HDGFL2: variants seen among roughly 807,000 people sequenced by gnomAD.
The protein encoded by HDGFL2 is hepatoma-derived growth factor-related protein 2.
In HDGFL2, 36 loss-of-function variants were observed where a neutral mutation model predicts 77.1. That is an observed-to-expected ratio of 0.47 (90% CI 0.36 to 0.62). HDGFL2 has a LOEUF of 0.62. Ranked by LOEUF, HDGFL2 falls within the 20% of genes least tolerant of loss-of-function variation. The pLI, the probability that HDGFL2 is intolerant of heterozygous loss-of-function variation, is 0.00. For synonymous variants in HDGFL2, 463 were observed against 413.1 expected, an observed-to-expected ratio of 1.12 and a Z score of -1.46; for missense variants, 976 against 973.4, an observed-to-expected ratio of 1.00 and a Z score of -0.04.
chr19:4,489,391 T>C (rs1007297988), intron 4 of HDGFL2, among the ~76,000 whole-genome samples: 1 of 151,088 alleles, frequency 6.6e-6, no homozygotes, highest in Non-Finnish European at 1.5e-5. Context: ...TAGCTGGGAT[T>C]ATGGGCACCA....
At chr19:4,499,760 A>G (rs1321447798) in intron 14 of HDGFL2, 56 bp downstream of exon 14, 1 of 1,331,866 alleles carries the variant, frequency 7.5e-7, no homozygotes, top group East Asian at 2.4e-5. Flanking sequence ...GAAGAAACAG[A>G]TGCTTTGCAG....
rs772471793 is a variant in HDGFL2 at position 4,493,801 on chromosome 19, T to TTCC, written c.790_792dup (p.Ser264dup). The stretch of plus-strand genomic sequence containing the variant: ...CGCGGTCGGCGTCCTCCTCCTCCTC[T>TTCC]TCCTCCTCCTCCTCCGACTCCGATG... On this transcript the variant is annotated inframe_insertion, in exon 7 of 16. Transcript: ENST00000616600. The TTCC allele has an allele frequency of 3.2e-6, 5 of 1,539,768 alleles. No homozygotes were observed. Among genetic ancestry groups the TTCC allele is most frequent in the East Asian group, 2.5e-5 (1 of 40,352 alleles).
Position 4,501,985 on chromosome 19 carries a change from C to G in HDGFL2, c.1991C>G (p.Ser664Trp). The stretch of plus-strand genomic sequence containing the variant: ...GAGCGCGAGAGGGCACGGGGGGACT[C>G]GGAGGCCCTGGACGAGGAGAGCTGA... ...RQERERARGD[S>W]EALDEES The change falls in exon 16 of 16, where the codon TCG becomes TGG. Residue 664 changes from serine (S) to tryptophan (W), a missense_variant. Ser to Trp is a radical substitution (Grantham distance 177, BLOSUM62 -3). Transcript: ENST00000616600. 6.6e-7 allele frequency: 1 copy of G among 1,514,434 alleles called. No individual in the cohort carries two copies. The highest frequency in any genetic ancestry group is 8.8e-7 in the Non-Finnish European group (1 of 1,138,066). The allele number at this position is 1,514,434 out of a possible 1,614,324, so 93.8% of individuals were successfully genotyped here. A position where few individuals can be genotyped will look rare whatever the true frequency, so the allele number is the denominator to read the frequency against.
At chr19:4,473,280 C>T (rs887179321) in intron 1 of HDGFL2, among the ~76,000 whole-genome samples, 1 of 149,600 alleles carries the variant, frequency 6.7e-6, no homozygotes, top group Admixed American at 6.7e-5. Flanking sequence ...GAGGAAGCTG[C>T]GCTCTGGGGG....
At chr19:4,493,205 TGC>T (rs1416877457) in intron 6 of HDGFL2, among the ~76,000 whole-genome samples, 1 of 130,442 alleles carries the variant, frequency 7.7e-6, no homozygotes, top group Non-Finnish European at 1.6e-5. Flanking sequence ...TCTGTGTCTG[TGC>T]GGTGTGTGTG....
intron 3 of HDGFL2, 152 bp from the exon 4 acceptor site, chr19:4,488,524 T>C: frequency 2.8e-6 from 2 of 714,726 alleles, no homozygotes; most frequent in South Asian, 1.9e-5. Flanking sequence ...TCGGCTCTTC[T>C]GGGCCTCGGT....
At chr19:4,488,916 G>A in intron 4 of HDGFL2, 40 bp downstream of exon 4, 1 of 1,455,758 alleles carries the variant, frequency 6.9e-7, no homozygotes, top group East Asian at 2.5e-5. Flanking sequence ...TCATCCCCTT[G>A]CCCTGATGTC....
At position 4,497,991 on chromosome 19, in the gene HDGFL2, C is replaced by G. The variant is rs762385942; in HGVS notation, c.1362C>G (p.Ser454=). Residue 454 remains serine, a synonymous_variant, in exon 11 of 16, where the codon TCC becomes TCG. Coordinates refer to ENST00000616600, the MANE Select transcript of HDGFL2 (RefSeq NM_001001520.3). ...PVKVERTRKR[S]EGFSMDRKVE... Reference sequence around the variant, plus strand: ...AGGTGGAGCGGACCCGGAAGCGGTCCGAGGGCTTCTCGATGGACAGGAAGG... The same window carrying G: ...AGGTGGAGCGGACCCGGAAGCGGTCGGAGGGCTTCTCGATGGACAGGAAGG... 6.4e-7 allele frequency: 1 copy of G among 1,556,244 alleles called. No homozygotes were observed. The highest frequency in any genetic ancestry group is 8.7e-7 in the Non-Finnish European group (1 of 1,149,662).
Position 4,502,133 on chromosome 19 carries a change from G to GTT in HDGFL2, c.*131_*132dup. The GTT allele has an allele frequency of 1.3e-6, 1 of 753,316 alleles. No individual in the cohort carries two copies. Among genetic ancestry groups the GTT allele is most frequent in the Non-Finnish European group, 2.3e-6 (1 of 439,744 alleles). 46.7% of individuals were successfully genotyped at this position (753,316 alleles called of 1,614,324 possible). ...GTGCTGTTTGTATTTGTTCCCTTGG[G>GTT]TTTTTTTTTCCTGCCTAATTTCTGT... On this transcript the variant is annotated 3_prime_UTR_variant, in exon 16 of 16. Transcript: ENST00000616600.
intron 13 of HDGFL2, 52 bp downstream of exon 13, chr19:4,498,967 A>G (rs748211639): frequency 1.4e-5 from 19 of 1,336,590 alleles, no homozygotes; most frequent in Non-Finnish European, 2.0e-5. Flanking sequence ...GCTGGGAGCA[A>G]GTGCCTGCCC....
chr19:4,496,191 G>A, intron 9 of HDGFL2, 111 bp from the exon 10 acceptor site: 1 of 848,590 alleles, frequency 1.2e-6, no homozygotes, highest in Non-Finnish European at 2.0e-6. Context: ...TTCAAACAGT[G>A]TGGAGGGCGA....
chr19:4,485,326 G>A (rs536200974), intron 3 of HDGFL2, among the ~76,000 whole-genome samples: 6 of 152,150 alleles, frequency 3.9e-5, no homozygotes, highest in African/African-American at 1.4e-4. Flanking sequence ...CCATGCTGTG[G>A]CCTGGGTCAG....
intron 3 of HDGFL2, among the ~76,000 whole-genome samples, chr19:4,477,425 G>A (rs1975101006): frequency 6.6e-6 from 1 of 152,158 alleles, no homozygotes; most frequent in African/African-American, 2.4e-5. Context: ...GTGTGTCTAG[G>A]AGACTGAGGT....
rs1024718075 is a variant in HDGFL2, at chr19:4,472,343, C to T, written c.-8C>T. On this transcript the variant is annotated 5_prime_UTR_variant, in exon 1 of 16. Coordinates refer to ENST00000616600, the MANE Select transcript of HDGFL2 (RefSeq NM_001001520.3). ...CGCTTTCCGCGGCCTGGGCCTCTCG[C>T]CGTCAGCATGCCACACGCCTTCAAG... 6 of 1,517,822 alleles carry T rather than the reference C, an allele frequency of 4.0e-6. No individual in the cohort carries two copies. The highest frequency in any genetic ancestry group is 4.4e-6 in the Non-Finnish European group (5 of 1,134,758). The allele number at this position is 1,517,822 out of a possible 1,614,324, so 94.0% of individuals were successfully genotyped here.
chr19:4,491,143 G>A (rs546047957), intron 4 of HDGFL2, among the ~76,000 whole-genome samples: 7 of 151,446 alleles, frequency 4.6e-5, no homozygotes, highest in African/African-American at 1.7e-4. Flanking sequence ...CCGTTCAGCA[G>A]CATTAAGCAC....
Position 4,494,466 on chromosome 19 carries a change from G to GGA in HDGFL2, c.1223_1224dup (p.Ala409ArgfsTer38). The GGA allele has an allele frequency of 7.2e-7, 1 of 1,388,642 alleles. No homozygotes were observed. 86.0% of individuals were successfully genotyped at this position (1,388,642 alleles called of 1,614,324 possible). On this transcript the variant is annotated frameshift_variant, in exon 9 of 16. Coordinates refer to ENST00000616600, the MANE Select transcript of HDGFL2 (RefSeq NM_001001520.3). LOFTEE classifies it high-confidence loss of function. ...CTGACTCCGAGCCCGAGGCCGAGCT[G>GGA]GAGAGAGAGGTGAGCCGGGAGGGCG...
intron 6 of HDGFL2, among the ~76,000 whole-genome samples, chr19:4,492,552 GTGTT>G (rs1033678708): frequency 1.3e-5 from 2 of 151,922 alleles, no homozygotes; most frequent in Admixed American, 6.6e-5. Context: ...TGTGTTGTGT[GTGTT>G]TGTGTGTCTG....
chr19:4,494,350 G>T lies in HDGFL2; in HGVS notation c.1099G>T (p.Gly367Cys). Residue 367 changes from glycine to cysteine, a missense_variant, in exon 9 of 16, where the codon GGC (glycine) becomes TGC (cysteine). By Grantham distance (159) the Gly-to-Cys change is radical. Coordinates refer to ENST00000616600, the MANE Select transcript of HDGFL2 (RefSeq NM_001001520.3). ...ADRGEAERGS[G>C]GSSGDELRED... ...CCGCGGGGAGGCTGAGCGGGGCAGC[G>T]GCGGCAGCAGCGGGGACGAGCTCAG... The T allele has an allele frequency of 7.1e-7, 1 of 1,408,446 alleles. No individual in the cohort carries two copies. The allele number at this position is 1,408,446 out of a possible 1,614,324, so 87.2% of individuals were successfully genotyped here.
intron 6 of HDGFL2, among the ~76,000 whole-genome samples, chr19:4,493,087 T>G (rs1328015890): frequency 3.3e-5 from 1 of 29,968 alleles, no homozygotes; most frequent in Non-Finnish European, 6.4e-5. Context: ...GTGTGTGTGT[T>G]ATCTGTGTGG....
Sources: allele counts gnomAD v4.1 joint callset (sites outside exome capture counted in the v4.1 genomes callset), GRCh38; gene constraint gnomAD v4.1.1; transcripts MANE v1.5; gene names NCBI Gene and HGNC (gene_info 2026-07-23, HGNC 2026-07-21).